The following ABCA1 variants were observed in gnomAD, a reference collection of about 807,000 sequenced individuals.
ABCA1 encodes the protein phospholipid-transporting ATPase ABCA1.
Under a neutral mutation model 262.5 loss-of-function variants are expected in ABCA1, and 133 were observed. The observed-to-expected ratio is 0.51, with a 90% CI of 0.44 to 0.59. ABCA1 has a LOEUF of 0.59. Among genes scored for constraint, ABCA1 ranks in the 20% least tolerant of loss-of-function variants. ABCA1 has a pLI of 0.00. For missense variants in ABCA1, 2,452 were observed against 2,777.5 expected (o/e 0.88, Z 2.63); for synonymous variants, 1,022 against 1,043.5 (o/e 0.98, Z 0.40).
Position 104,804,099 on chromosome 9 carries a change from A to G in ABCA1, c.4559+527T>C, listed in dbSNP as rs559953402. On this transcript the variant is annotated intron_variant, in intron 32 of 49. Transcript: ENST00000374736. ...AGGAAACGAGAACAAACATTTGCTG[A>G]GCCAAGCATTCAACACTAGGCTGCC... 3.0e-4 allele frequency among the ~76,000 whole-genome samples: 46 copies of G among 152,324 alleles called. 1 individual carries two copies. The South Asian group carries it at 9.5e-3, about 32-fold the overall frequency.
intron 1 of ABCA1, among the ~76,000 whole-genome samples, chr9:104,913,088 G>A (rs1471811383): frequency 6.6e-6 from 1 of 152,210 alleles, no homozygotes; most frequent in African/African-American, 2.4e-5. Flanking sequence ...TGAAGAATCA[G>A]TGTCTTCAGA....
At chr9:104,855,896 T>C in intron 7 of ABCA1, 1 of 1,612,808 alleles carries the variant, frequency 6.2e-7, no homozygotes, top group Non-Finnish European at 8.5e-7. Context: ...AGGGAAACAC[T>C]CACGCACACA....
intron 5 of ABCA1, among the ~76,000 whole-genome samples, chr9:104,874,247 C>T (rs535632268): frequency 1.5e-4 from 23 of 152,302 alleles, no homozygotes; most frequent in Admixed American, 4.6e-4. Context: ...ATCAGAAAGG[C>T]CAAACAGGCT....
At chr9:104,917,307 C>T (rs1265815431) in intron 1 of ABCA1, among the ~76,000 whole-genome samples, 1 of 152,064 alleles carries the variant, frequency 6.6e-6, no homozygotes, top group Non-Finnish European at 1.5e-5. Flanking sequence ...TCAGTATTTC[C>T]CCAAATGTGG....
chr9:104,834,482 C>G (rs1833622944), intron 11 of ABCA1, among the ~76,000 whole-genome samples: 1 of 149,444 alleles, frequency 6.7e-6, no homozygotes, highest in Non-Finnish European at 1.5e-5. Flanking sequence ...AATTCTGAAG[C>G]CACTTTATTT....
intron 49 of ABCA1, 65 bp downstream of exon 49, chr9:104,785,331 G>A (rs1019298497): frequency 5.6e-6 from 9 of 1,601,620 alleles, no homozygotes; most frequent in Non-Finnish European, 7.7e-6. Flanking sequence ...GGACCTATGG[G>A]CGGGAGTGTC....
chr9:104,806,238 C>T lies in ABCA1; in HGVS notation c.4464+3G>A, dbSNP rs555560068. 1 of 1,612,648 alleles carries T rather than the reference C, an allele frequency of 6.2e-7. No individual in the cohort carries two copies. The highest frequency in any genetic ancestry group is 8.5e-7 in the Non-Finnish European group (1 of 1,179,950). ...GCCCAATCACCCCCTGAAAGTGACT[C>T]ACTTGTGGAGGAGGCAGCCCCCCTG... On this transcript the variant is annotated splice_donor_region_variant and intron_variant, in intron 31 of 49. Coordinates refer to ENST00000374736, the MANE Select transcript of ABCA1 (RefSeq NM_005502.4).
chr9:104,789,454 G>C (rs1000312606), intron 44 of ABCA1, among the ~76,000 whole-genome samples: 4 of 152,208 alleles, frequency 2.6e-5, no homozygotes, highest in African/African-American at 9.6e-5. Context: ...GTAAGAGACA[G>C]GAGAGGAGAT....
At chr9:104,785,693 G>T in intron 48 of ABCA1, 54 bp from the exon 49 acceptor site, 2 of 1,608,626 alleles carry the variant, frequency 1.2e-6, no homozygotes. Context: ...CTATTTAAAA[G>T]AATACTGAAC....
At chr9:104,903,347 G>A (rs528607127) in intron 2 of ABCA1, among the ~76,000 whole-genome samples, 7 of 152,220 alleles carry the variant, frequency 4.6e-5, no homozygotes, top group Admixed American at 2.0e-4. Flanking sequence ...GGGGCGATTC[G>A]GAGCCAGGTC....
rs886063293 is a variant in ABCA1 at position 104,781,869 on chromosome 9, T to G, written c.*2446A>C. The G allele has an allele frequency of 5.2e-5, 8 of 152,384 alleles. No homozygotes were observed. The East Asian group carries it at 1.5e-3, about 29-fold the overall frequency. 9.4% of individuals were successfully genotyped at this position (152,384 alleles called of 1,614,324 possible). ...GATTGAGTATAGAGTTGGTAAAAAT[T>G]TCTACCACAATTAGGTTTACACAGG... is the stretch of plus-strand genomic sequence containing the variant. On this transcript the variant is annotated 3_prime_UTR_variant, in exon 50 of 50. Transcript: ENST00000374736.
intron 2 of ABCA1, among the ~76,000 whole-genome samples, chr9:104,894,812 C>T (rs1330443489): frequency 2.0e-5 from 3 of 152,238 alleles, no homozygotes; most frequent in African/African-American, 7.2e-5. Context: ...AAGTTCACAC[C>T]ACCTGAGCCA....
chr9:104,818,707 T>C lies in ABCA1; in HGVS notation c.3418A>G (p.Ser1140Gly). 1 of 1,613,614 alleles carries C rather than the reference T, an allele frequency of 6.2e-7. No individual in the cohort carries two copies. Among genetic ancestry groups the C allele is most frequent in the Non-Finnish European group, 8.5e-7 (1 of 1,180,038 alleles). Residue 1140 changes from serine (S) to glycine (G), a missense_variant, in exon 23 of 50, where the codon AGT becomes GGT. This residue lies in a region of ABCA1 where 665 missense variants were observed against 727.3 expected (regional missense o/e 0.91). Coordinates refer to ENST00000374736, the MANE Select transcript of ABCA1 (RefSeq NM_005502.4). The part of the protein sequence containing the change: ...LVKKDVESSL[S>G]SCRNSSSTVS... ...GTGCTACTACTGTTTCTGCAGGAACTGAGGGAGGATTCCACATCTTTCTTG... is the reference window on the plus strand; with the variant it reads ...GTGCTACTACTGTTTCTGCAGGAACCGAGGGAGGATTCCACATCTTTCTTG...
At chr9:104,809,373 A>C in intron 30 of ABCA1, 93 bp downstream of exon 30, 2 of 1,208,508 alleles carry the variant, frequency 1.7e-6, no homozygotes, top group Non-Finnish European at 2.4e-6. Context: ...GCTGGCGGTC[A>C]CAATGTGGCA....
At chr9:104,913,862 C>T (rs1422093049) in intron 1 of ABCA1, among the ~76,000 whole-genome samples, 1 of 152,176 alleles carries the variant, frequency 6.6e-6, no homozygotes, top group African/African-American at 2.4e-5. Context: ...GTGGCGCGAT[C>T]TCGGCTCACT....
intron 6 of ABCA1, 26 bp from the exon 7 acceptor site, chr9:104,858,724 A>T: frequency 6.2e-7 from 1 of 1,613,136 alleles, no homozygotes; most frequent in Non-Finnish European, 8.5e-7. Context: ...GCAAAGAGAG[A>T]CAAGCACAAG....
chr9:104,804,208 C>T (rs1830575005), intron 32 of ABCA1, among the ~76,000 whole-genome samples: 1 of 151,908 alleles, frequency 6.6e-6, no homozygotes, highest in African/African-American at 2.4e-5. Context: ...CTCCATGAGA[C>T]CACAAATTAT....
intron 2 of ABCA1, among the ~76,000 whole-genome samples, chr9:104,891,019 A>T (rs532549768): frequency 2.6e-5 from 4 of 152,024 alleles, no homozygotes; most frequent in Admixed American, 6.6e-5. Context: ...CTGTTTTTTC[A>T]TTTAACATCA....
chr9:104,806,497 CACAGGATCATTCCGTA>C lies in ABCA1; in HGVS notation c.4275-83_4275-68del. 3 of 1,503,318 alleles carry C rather than the reference CACAGGATCATTCCGTA, an allele frequency of 2.0e-6. No homozygotes were observed. In the South Asian group the frequency reaches 3.4e-5, roughly 17 times the overall value. 93.1% of individuals were successfully genotyped at this position (1,503,318 alleles called of 1,614,324 possible). A position where few individuals can be genotyped will look rare whatever the true frequency, so the allele number is the denominator to read the frequency against. ...CCTGGCCTTTCTGTTGCCTCAGGAG[CACAGGATCATTCCGTA>C]ACAACCACAAACATGCATCTATTCC... On this transcript the variant is annotated intron_variant, in intron 30 of 49. Transcript: ENST00000374736.
Sources: gnomAD v4.1 joint callset for allele counts (sites outside exome capture counted in the v4.1 genomes callset) on GRCh38, gnomAD v4.1.1 for gene constraint, gnomAD v4.1.1 regional missense constraint, MANE v1.5 for transcripts, NCBI Gene and HGNC (gene_info 2026-07-23, HGNC 2026-07-21) for gene names.